The following SLC22A25 variants were observed in gnomAD, a reference collection of about 807,000 sequenced individuals.
SLC22A25 encodes solute carrier family 22 member 25.
A neutral mutation model predicts 45.9 loss-of-function variants in SLC22A25; 44 were observed. The observed-to-expected ratio is 0.96, with a 90% confidence interval of 0.75 to 1.23. The LOEUF is 1.23. Among genes scored for constraint, SLC22A25 ranks in the 50% most tolerant of loss-of-function variants. The probability of loss-of-function intolerance (pLI) is 0.00; values close to 1 mark genes in which losing one functional copy is unlikely to be tolerated. For synonymous variants in SLC22A25, 283 were observed against 238.6 expected (o/e 1.19, Z -1.72); for missense variants, 800 against 666.4 (o/e 1.20, Z -2.21).
intron 7 of SLC22A25, among the ~76,000 whole-genome samples, chr11:63,204,789 C>T (rs561273177): frequency 6.6e-6 from 1 of 152,312 alleles, no homozygotes; most frequent in African/African-American, 2.4e-5. Context: ...AGGACTTGAA[C>T]TCAGCTCTGC....
rs2089762727 is a variant in SLC22A25, at chr11:63,218,014, A to C, written c.507-279T>G. 3 of 586,830 alleles carry C rather than the reference A, an allele frequency of 5.1e-6. No homozygotes were observed. In the East Asian group the frequency reaches 1.1e-4, roughly 22 times the overall value. 36.4% of individuals were successfully genotyped at this position (586,830 alleles called of 1,614,324 possible). A position where few individuals can be genotyped will look rare whatever the true frequency, so the allele number is the denominator to read the frequency against. On this transcript the variant is annotated intron_variant, in intron 5 of 11. Coordinates refer to ENST00000306494, the MANE Select transcript of SLC22A25 (RefSeq NM_199352.6). ...ATGTAAGACAGGCTGGGATGTTGAA[A>C]TGTTAACACACCAGAAATGTCCCTT... is the stretch of plus-strand genomic sequence containing the variant.
At chr11:63,210,448 C>T (rs2089526408) in intron 7 of SLC22A25, among the ~76,000 whole-genome samples, 1 of 152,090 alleles carries the variant, frequency 6.6e-6, no homozygotes, top group East Asian at 1.9e-4. Context: ...TGGACAGGAA[C>T]CAATGTGCAA....
chr11:63,212,881 T>C (rs1303649355), intron 7 of SLC22A25, among the ~76,000 whole-genome samples: 1 of 152,090 alleles, frequency 6.6e-6, no homozygotes, highest in African/African-American at 2.4e-5. Flanking sequence ...CTAGTGACAA[T>C]TGTGTGCTAT....
intron 5 of SLC22A25, among the ~76,000 whole-genome samples, chr11:63,226,068 T>A (rs967415059): frequency 4.6e-5 from 7 of 152,140 alleles, no homozygotes; most frequent in African/African-American, 1.7e-4. Flanking sequence ...AATTTCTTCA[T>A]TTTTTCTCAA....
chr11:63,172,430 A>G (rs11231391), intron 9 of SLC22A25, among the ~76,000 whole-genome samples: 1 of 151,940 alleles, frequency 6.6e-6, no homozygotes, highest in African/African-American at 2.4e-5. Flanking sequence ...TCTACAAGGA[A>G]CTAATCAAAT....
chr11:63,203,100 G>C (rs367918707), intron 7 of SLC22A25, among the ~76,000 whole-genome samples: 6 of 152,084 alleles, frequency 3.9e-5, no homozygotes, highest in Non-Finnish European at 5.9e-5. Flanking sequence ...CAAACAGAAA[G>C]GAATAGCATC....
At chr11:63,165,013 G>A (rs17157911) in intron 10 of SLC22A25, among the ~76,000 whole-genome samples, 1,930 of 152,212 alleles carry the variant, frequency 0.013, 22 homozygotes, top group African/African-American at 0.032. Context: ...GGGAGTGTAA[G>A]ACTCATCCAT....
intron 5 of SLC22A25, among the ~76,000 whole-genome samples, chr11:63,222,144 T>G (rs1318305007): frequency 6.6e-6 from 1 of 152,184 alleles, no homozygotes; most frequent in Non-Finnish European, 1.5e-5. Flanking sequence ...AGTTTAGAAT[T>G]GTGTTTTCTA....
At chr11:63,199,681 C>G (rs899187878) in intron 7 of SLC22A25, among the ~76,000 whole-genome samples, 1 of 151,810 alleles carries the variant, frequency 6.6e-6, no homozygotes, top group African/African-American at 2.4e-5. Context: ...GGTCATAAGT[C>G]AAATATGTAA....
chr11:63,217,713 T>C lies in SLC22A25; in HGVS notation c.529A>G (p.Arg177Gly). The change falls in exon 6 of 12, where the codon AGA becomes GGA. Residue 177 changes from arginine to glycine, a missense_variant. Arg to Gly is a moderately radical substitution (Grantham distance 125). Coordinates refer to ENST00000306494, the MANE Select transcript of SLC22A25 (RefSeq NM_199352.6). Reference sequence around the variant, plus strand: ...ATGGCGAGCTGGAGGTAAGACCATCTGAGCACGAACTTTCTCCCAAACCTG... The same window carrying C: ...ATGGCGAGCTGGAGGTAAGACCATCCGAGCACGAACTTTCTCCCAAACCTG... ...SDRFGRKFVL[R>G]WSYLQLAIVG... The C allele has an allele frequency of 1.2e-6, 2 of 1,610,850 alleles. No homozygotes were observed. The highest frequency in any genetic ancestry group is 1.7e-6 in the Non-Finnish European group (2 of 1,179,200).
Position 63,160,141 on chromosome 11 carries a change from G to T in SLC22A25, c.*3683C>A, listed in dbSNP as rs529818362. Among the ~76,000 whole-genome samples, 2 of 152,332 alleles carry T rather than the reference G, an allele frequency of 1.3e-5. No homozygotes were observed. The highest frequency in any genetic ancestry group is 2.4e-5 in the African/African-American group (1 of 41,564). ...TGAGGAGAAATTCAAGCCTGCTGCA[G>T]AAATTTGCATAAGTAATGAGGAACC... On this transcript the variant is annotated 3_prime_UTR_variant, in exon 12 of 12. Transcript: ENST00000306494.
rs2087614619 is a variant in SLC22A25, at chr11:63,164,566, A to G, written c.1354T>C (p.Ser452Pro). The G allele has an allele frequency of 1.9e-6, 3 of 1,613,734 alleles. No homozygotes were observed. Among genetic ancestry groups the G allele is most frequent in the Non-Finnish European group, 2.5e-6 (3 of 1,179,836 alleles). The change falls in exon 11 of 12, where the codon TCT becomes CCT. Residue 452 changes from serine (S) to proline (P), a missense_variant. Coordinates refer to ENST00000306494, the MANE Select transcript of SLC22A25 (RefSeq NM_199352.6). ...VGAASLGITC[S>P]TAQENELIPS... ...ATTAGTTCATTTTCTTGGGCAGTAGAACAGGTAATGCCAAGAGAAGCAGCT... is the reference window on the plus strand; with the variant it reads ...ATTAGTTCATTTTCTTGGGCAGTAGGACAGGTAATGCCAAGAGAAGCAGCT...
chr11:63,171,880 G>A (rs1003605031), intron 9 of SLC22A25, among the ~76,000 whole-genome samples: 25 of 152,122 alleles, frequency 1.6e-4, no homozygotes, highest in African/African-American at 5.8e-4. Flanking sequence ...AAAGCTGGAG[G>A]CATCATACTG....
chr11:63,196,111 A>G (rs1053343227), intron 7 of SLC22A25, among the ~76,000 whole-genome samples: 1 of 152,210 alleles, frequency 6.6e-6, no homozygotes, highest in African/African-American at 2.4e-5. Context: ...GTAATAATTA[A>G]TAGCCCTCCA....
chr11:63,224,708 C>G (rs989871757), intron 5 of SLC22A25, among the ~76,000 whole-genome samples: 1 of 152,142 alleles, frequency 6.6e-6, no homozygotes, highest in Non-Finnish European at 1.5e-5. Flanking sequence ...AACAAACAGG[C>G]AAAAAGAAAA....
chr11:63,228,639 C>G (rs764864231), intron 4 of SLC22A25, 75 bp from the exon 5 acceptor site: 4 of 1,103,914 alleles, frequency 3.6e-6, no homozygotes, highest in Non-Finnish European at 1.3e-6. Flanking sequence ...CTTAAAATAG[C>G]CTGCAAGTTT....
intron 7 of SLC22A25, among the ~76,000 whole-genome samples, chr11:63,202,657 C>T (rs1161036718): frequency 2.0e-5 from 3 of 152,230 alleles, no homozygotes; most frequent in African/African-American, 4.8e-5. Context: ...CAGCCCCAGT[C>T]ACGGGCTTAT....
At chr11:63,237,704 C>T (rs1287414476) in intron 3 of SLC22A25, among the ~76,000 whole-genome samples, 177 bp downstream of exon 3, 2 of 152,206 alleles carry the variant, frequency 1.3e-5, no homozygotes, top group Non-Finnish European at 2.9e-5. Flanking sequence ...ATGGAGATGT[C>T]ATTTCTGTGT....
chr11:63,209,973 A>G (rs1324556598), intron 7 of SLC22A25, among the ~76,000 whole-genome samples: 1 of 152,222 alleles, frequency 6.6e-6, no homozygotes, highest in Non-Finnish European at 1.5e-5. Context: ...GCAGCTATAT[A>G]GAAAGGCACT....
Sources: allele counts gnomAD v4.1 joint callset (sites outside exome capture counted in the v4.1 genomes callset), GRCh38; gene constraint gnomAD v4.1.1; transcripts MANE v1.5; gene names NCBI Gene and HGNC (gene_info 2026-07-23, HGNC 2026-07-21).